Variants in AFF1 observed in about 807,000 individuals in gnomAD.
The protein encoded by AFF1 is ALF transcription elongation factor 1, also known as AF4/FMR2 family member 1.
In AFF1, 48 loss-of-function variants were observed where a neutral mutation model predicts 121.7. That is an observed-to-expected ratio of 0.39 (90% CI 0.31 to 0.50). The LOEUF (loss-of-function observed/expected upper bound fraction) is 0.50. AFF1 is among the 20% of genes least tolerant of loss of function. AFF1 has a pLI of 0.76. For synonymous variants in AFF1, 613 were observed against 563.0 expected (o/e 1.09, Z -1.26); for missense variants, 1,523 against 1,511.7 (o/e 1.01, Z -0.12).
chr4:86,969,316 A>T (rs1011272449), intron 2 of AFF1, among the ~76,000 whole-genome samples: 8 of 151,582 alleles, frequency 5.3e-5, no homozygotes, highest in Non-Finnish European at 1.0e-4. Context: ...TGTCTCTACT[A>T]AAAACACAAA....
chr4:87,085,208 T>C (rs1439912134), intron 5 of AFF1, among the ~76,000 whole-genome samples: 14 of 152,236 alleles, frequency 9.2e-5, no homozygotes, highest in Non-Finnish European at 1.8e-4. Context: ...TTAACTTTCC[T>C]CATGAACTGG....
At chr4:86,956,321 A>C (rs1721734883) in intron 2 of AFF1, among the ~76,000 whole-genome samples, 1 of 152,202 alleles carries the variant, frequency 6.6e-6, no homozygotes, top group Admixed American at 6.5e-5. Flanking sequence ...CTTACCTGAG[A>C]ACTGAGGAAA....
intron 4 of AFF1, among the ~76,000 whole-genome samples, chr4:87,056,652 T>G (rs111598083): frequency 3.9e-5 from 6 of 152,310 alleles, no homozygotes; most frequent in African/African-American, 1.4e-4. Flanking sequence ...GATTCATATT[T>G]TTACATTCTG....
chr4:86,999,489 G>A (rs934016072), intron 2 of AFF1, among the ~76,000 whole-genome samples: 7 of 152,144 alleles, frequency 4.6e-5, no homozygotes, highest in African/African-American at 1.7e-4. Context: ...TTATTGTGTA[G>A]ACACAATGAG....
At chr4:87,007,387 C>T (rs1434695785) in intron 2 of AFF1, 2 of 1,613,872 alleles carry the variant, frequency 1.2e-6, no homozygotes, top group African/African-American at 1.3e-5. Context: ...ACGGAAGACC[C>T]CTGGCTCTAT....
At chr4:87,016,140 C>A (rs368906051) in intron 2 of AFF1, among the ~76,000 whole-genome samples, 2 of 151,966 alleles carry the variant, frequency 1.3e-5, no homozygotes, top group Non-Finnish European at 2.9e-5. Flanking sequence ...AAGATCATGC[C>A]GTTGCACTCC....
intron 10 of AFF1, among the ~76,000 whole-genome samples, chr4:87,106,366 G>A (rs1295210628): frequency 6.6e-6 from 1 of 152,212 alleles, no homozygotes; most frequent in Admixed American, 6.5e-5. Flanking sequence ...TTGGGTGACA[G>A]AGCGAGACTC....
intron 11 of AFF1, among the ~76,000 whole-genome samples, 159 bp from the exon 12 acceptor site, chr4:87,114,208 T>G (rs1376693611): frequency 6.6e-6 from 1 of 152,224 alleles, no homozygotes; most frequent in Non-Finnish European, 1.5e-5. Context: ...TTAATTGTTA[T>G]AGAACTTATA....
chr4:86,993,571 G>A (rs1177509994), intron 2 of AFF1, among the ~76,000 whole-genome samples: 1 of 152,182 alleles, frequency 6.6e-6, no homozygotes, highest in Non-Finnish European at 1.5e-5. Context: ...GTGGACACTT[G>A]TCTTTGAGAG....
intron 2 of AFF1, among the ~76,000 whole-genome samples, chr4:86,977,675 T>C (rs1723408470): frequency 6.6e-6 from 1 of 152,236 alleles, no homozygotes. Flanking sequence ...CATACTAGAC[T>C]GGGTCCCCTC....
At chr4:87,008,340 A>T (rs1263088199) in intron 2 of AFF1, among the ~76,000 whole-genome samples, 1 of 152,212 alleles carries the variant, frequency 6.6e-6, no homozygotes, top group Non-Finnish European at 1.5e-5. Flanking sequence ...CAGATCATGG[A>T]GAGAAATGGA....
intron 2 of AFF1, among the ~76,000 whole-genome samples, chr4:86,953,170 A>G (rs1214315253): frequency 1.3e-5 from 2 of 152,030 alleles, no homozygotes; most frequent in African/African-American, 4.8e-5. Flanking sequence ...CATAATTTCT[A>G]GCTCCTCACC....
At chr4:87,100,634 G>T (rs1440745409) in intron 8 of AFF1, among the ~76,000 whole-genome samples, 1 of 152,066 alleles carries the variant, frequency 6.6e-6, no homozygotes, top group South Asian at 2.1e-4. Flanking sequence ...ATATTTTTCG[G>T]CTCAGAGTTG....
chr4:87,107,192 T>C (rs767344092), intron 10 of AFF1, among the ~76,000 whole-genome samples: 4 of 152,258 alleles, frequency 2.6e-5, no homozygotes, highest in Admixed American at 2.6e-4. Context: ...GATTTTGTTA[T>C]TGTTTAATAA....
intron 2 of AFF1, among the ~76,000 whole-genome samples, chr4:87,023,973 G>T (rs1353448472): frequency 6.6e-6 from 1 of 152,156 alleles, no homozygotes; most frequent in Non-Finnish European, 1.5e-5. Context: ...TAAGGACAGA[G>T]GATTATGTAT....
intron 2 of AFF1, among the ~76,000 whole-genome samples, chr4:87,022,592 A>ATATATATC (rs1465084690): frequency 0.023 from 2,298 of 99,688 alleles, 114 homozygotes; most frequent in African/African-American, 0.033. Flanking sequence ...ATCTATCTAT[A>ATATATATC]TCTATCTGTG....
chr4:87,065,623 A>G (rs1363144578), intron 4 of AFF1, among the ~76,000 whole-genome samples: 1 of 152,168 alleles, frequency 6.6e-6, no homozygotes, highest in East Asian at 1.9e-4. Context: ...TTTGGGAAAA[A>G]CTGTTTTGGA....
chr4:87,061,353 T>C (rs1720769336), intron 4 of AFF1, among the ~76,000 whole-genome samples: 1 of 152,184 alleles, frequency 6.6e-6, no homozygotes, highest in Admixed American at 6.5e-5. Context: ...ACTGAAGATA[T>C]CCATAGTACC....
At chr4:86,983,846 G>T (rs1029605274) in intron 2 of AFF1, among the ~76,000 whole-genome samples, 6 of 152,152 alleles carry the variant, frequency 3.9e-5, no homozygotes, top group African/African-American at 1.4e-4. Flanking sequence ...GACCATCCTG[G>T]CCAACACGGT....
Sources: gnomAD v4.1 joint callset for allele counts (sites outside exome capture counted in the v4.1 genomes callset) on GRCh38, gnomAD v4.1.1 for gene constraint, MANE v1.5 for transcripts, NCBI Gene and HGNC (gene_info 2026-07-23, HGNC 2026-07-21) for gene names.